FRMPD2: variants seen among roughly 807,000 people sequenced by gnomAD.
FRMPD2 encodes FERM and PDZ domain containing 2, also known as FERM and PDZ domain-containing protein 2.
Under a neutral mutation model 140.1 loss-of-function variants are expected in FRMPD2, and 96 were observed. That is an observed-to-expected ratio of 0.69 (90% CI 0.58 to 0.81). The LOEUF (loss-of-function observed/expected upper bound fraction) is 0.81. FRMPD2 is among the 40% of genes least tolerant of loss of function. FRMPD2 has a pLI of 0.00. For missense variants in FRMPD2, 1,240 were observed against 1,447.4 expected (o/e 0.86, Z 2.32); for synonymous variants, 449 against 547.6 (o/e 0.82, Z 2.52).
intron 1 of FRMPD2, among the ~76,000 whole-genome samples, chr10:48,252,828 A>G (rs1840415903): frequency 6.6e-6 from 1 of 151,548 alleles, no homozygotes; most frequent in Admixed American, 6.6e-5. Flanking sequence ...ATGAATTAGA[A>G]GCTGAACTCC....
Position 48,273,778 on chromosome 10 carries a change from G to C in FRMPD2, c.25+765C>G, listed in dbSNP as rs565752628. Among the ~76,000 whole-genome samples, 8 of 151,660 alleles carry C rather than the reference G, an allele frequency of 5.3e-5. No homozygotes were observed. In the South Asian group the frequency reaches 1.7e-3, roughly 32 times the overall value. On this transcript the variant is annotated intron_variant, in intron 1 of 28. Transcript: ENST00000374201. ...CCCAGGAGATACCAAGTAAGTTCTC[G>C]TTGAATTAATGAACTACTTAATTGG... is the stretch of plus-strand genomic sequence containing the variant.
Position 48,242,294 on chromosome 10 carries a change from G to A in FRMPD2, c.434C>T (p.Pro145Leu), listed in dbSNP as rs115248387. The A allele has an allele frequency of 4.8e-5, 77 of 1,614,170 alleles. No homozygotes were observed. In the African/African-American group the frequency reaches 8.7e-4, roughly 18 times the overall value. ...CGACTGCAACGTGCACCGCCTGTGAGGCTGGTCTTCACACATGGTCAGCAG... is the reference window on the plus strand; with the variant it reads ...CGACTGCAACGTGCACCGCCTGTGAAGCTGGTCTTCACACATGGTCAGCAG... ...SILLTMCEDQ[P>L]HRRCTLQSVL... is the part of the protein sequence containing the mutation. The change falls in exon 5 of 29, where the codon CCT becomes CTT. Residue 145 changes from proline to leucine, a missense_variant. Pro to Leu is a moderately conservative substitution (Grantham distance 98). Transcript: ENST00000374201.
intron 1 of FRMPD2, among the ~76,000 whole-genome samples, chr10:48,262,874 C>T (rs1035866670): frequency 6.6e-6 from 1 of 152,072 alleles, no homozygotes; most frequent in African/African-American, 2.4e-5. Flanking sequence ...CTCCTGGGTT[C>T]AAGCAATTCT....
chr10:48,260,604 T>A (rs1840570458), intron 1 of FRMPD2, among the ~76,000 whole-genome samples: 1 of 152,166 alleles, frequency 6.6e-6, no homozygotes, highest in Admixed American at 6.5e-5. Flanking sequence ...ACACATAAAA[T>A]TAATTATAAT....
At chr10:48,187,121 TAA>T in intron 17 of FRMPD2, 69 bp downstream of exon 17, 1 of 977,016 alleles carries the variant, frequency 1.0e-6, no homozygotes, top group South Asian at 1.6e-5. Context: ...TAAGTGGTGG[TAA>T]AAGACTCAAA....
chr10:48,222,284 A>T (rs1413737496), intron 12 of FRMPD2, 29 bp downstream of exon 12: 2 of 1,605,428 alleles, frequency 1.2e-6, no homozygotes, highest in Non-Finnish European at 8.5e-7. Flanking sequence ...CAGTGACCCC[A>T]CACAAAGGCC....
chr10:48,246,691 C>T (rs1218499649), intron 3 of FRMPD2, among the ~76,000 whole-genome samples: 1 of 152,178 alleles, frequency 6.6e-6, no homozygotes, highest in African/African-American at 2.4e-5. Context: ...GTACACCCTC[C>T]CAGCACCAGA....
At chr10:48,203,144 A>G (rs943062788) in intron 14 of FRMPD2, among the ~76,000 whole-genome samples, 3 of 152,144 alleles carry the variant, frequency 2.0e-5, no homozygotes, top group Non-Finnish European at 4.4e-5. Context: ...AACAAATCTG[A>G]AAAGGGAGAA....
At chr10:48,189,621 G>T (rs1183715874) in intron 16 of FRMPD2, among the ~76,000 whole-genome samples, 3 of 152,166 alleles carry the variant, frequency 2.0e-5, no homozygotes. Context: ...CATCTGTCAT[G>T]CTCACCACCG....
intron 18 of FRMPD2, among the ~76,000 whole-genome samples, chr10:48,185,216 G>T (rs976856042): frequency 6.6e-6 from 1 of 152,044 alleles, no homozygotes; most frequent in Non-Finnish European, 1.5e-5. Context: ...ACAGTTTTTC[G>T]GGTCTTAGAA....
intron 3 of FRMPD2, among the ~76,000 whole-genome samples, chr10:48,247,612 C>T (rs148807642): frequency 1.6e-4 from 25 of 152,322 alleles, no homozygotes; most frequent in South Asian, 6.2e-4. Flanking sequence ...GGAGGGAAAA[C>T]GTATCCTCTT....
In FRMPD2 at chr10:48,187,257, C is replaced by G. The variant is rs1271315578; in HGVS notation, c.2201G>C (p.Cys734Ser). 20 of 1,614,086 alleles carry G rather than the reference C, an allele frequency of 1.2e-5. No homozygotes were observed. Among genetic ancestry groups the G allele is most frequent in the East Asian group, 6.7e-5 (3 of 44,862 alleles). ...CTGREQLKSA[C>S]VIQKPMTWDS... ...CCAGGTCATTGGCTTCTGGATCACA[C>G]AGGCACTCTTCAGCTGCTCCCGGCC... Residue 734 changes from cysteine to serine, a missense_variant, in exon 17 of 29, where the codon TGT (cysteine) becomes TCT (serine). Physicochemically the swap from Cys to Ser is moderately radical, Grantham distance 112 (BLOSUM62 -1). Coordinates refer to ENST00000374201, the MANE Select transcript of FRMPD2 (RefSeq NM_001018071.4).
At chr10:48,262,740 G>T (rs1400688288) in intron 1 of FRMPD2, among the ~76,000 whole-genome samples, 2 of 152,034 alleles carry the variant, frequency 1.3e-5, no homozygotes, top group African/African-American at 2.4e-5. Context: ...CACATTTTGG[G>T]CCATAAACTT....
At chr10:48,207,228 C>G (rs918413928) in intron 13 of FRMPD2, among the ~76,000 whole-genome samples, 2 of 150,446 alleles carry the variant, frequency 1.3e-5, no homozygotes, top group Admixed American at 1.3e-4. Context: ...GAAAATAACA[C>G]AGTACAATAA....
chr10:48,190,667 A>C (rs986193527), intron 16 of FRMPD2, among the ~76,000 whole-genome samples: 1 of 152,214 alleles, frequency 6.6e-6, no homozygotes, highest in African/African-American at 2.4e-5. Context: ...CTTTTCACCC[A>C]CGGGTTACTG....
Position 48,249,153 on chromosome 10 carries a change from G to A in FRMPD2, c.177C>T (p.Pro59=). Residue 59 remains proline, a synonymous_variant, in exon 3 of 29, where the codon CCC becomes CCT. Coordinates refer to ENST00000374201, the MANE Select transcript of FRMPD2 (RefSeq NM_001018071.4). ...CAGCTGCAGAAAGCAGGGCTGACCA[G>A]GGGCAAACCACATAGTCCGAGGAAT... ...RNDSSDYVVC[P]WSALLSAAGS... is the part of the protein sequence containing the mutation. 6.2e-7 allele frequency: 1 copy of A among 1,614,108 alleles called. No homozygotes were observed. Among genetic ancestry groups the A allele is most frequent in the Non-Finnish European group, 8.5e-7 (1 of 1,180,016 alleles).
intron 22 of FRMPD2, 45 bp downstream of exon 22, chr10:48,178,002 G>A (rs782711265): frequency 1.1e-4 from 100 of 907,930 alleles, no homozygotes; most frequent in Middle Eastern, 9.8e-4. Flanking sequence ...GGTTCTAGAC[G>A]GACATCTTGT....
intron 1 of FRMPD2, among the ~76,000 whole-genome samples, chr10:48,253,398 G>T (rs547711173): frequency 6.6e-6 from 1 of 152,222 alleles, no homozygotes; most frequent in South Asian, 2.1e-4. Context: ...AACAAGGACT[G>T]CCCAATAAAA....
intron 1 of FRMPD2, among the ~76,000 whole-genome samples, chr10:48,261,395 A>G (rs1373629842): frequency 6.6e-6 from 1 of 152,148 alleles, no homozygotes; most frequent in Non-Finnish European, 1.5e-5. Flanking sequence ...AGCAAAAAAA[A>G]GTGAGAGAGA....
Sources: allele counts gnomAD v4.1 joint callset (sites outside exome capture counted in the v4.1 genomes callset), GRCh38; gene constraint gnomAD v4.1.1; transcripts MANE v1.5; gene names NCBI Gene and HGNC (gene_info 2026-07-23, HGNC 2026-07-21).